ASTN2: variants seen among roughly 807,000 people sequenced by gnomAD.
The protein encoded by ASTN2 is astrotactin-2.
ASTN2 carries 54 observed loss-of-function variants against 139.8 expected under a neutral mutation model. The observed-to-expected ratio is 0.39, with a 90% confidence interval of 0.31 to 0.48. The LOEUF (loss-of-function observed/expected upper bound fraction) is 0.48. Ranked by LOEUF, ASTN2 falls within the 20% of genes least tolerant of loss-of-function variation. ASTN2 has a pLI of 0.95. For missense variants in ASTN2, 1,565 were observed against 1,725.1 expected (o/e 0.91, Z 1.64); for synonymous variants, 756 against 719.5 (o/e 1.05, Z -0.81).
chr9:117,117,169 C>T (rs551815065), intron 4 of ASTN2, among the ~76,000 whole-genome samples: 1 of 152,034 alleles, frequency 6.6e-6, no homozygotes, highest in Non-Finnish European at 1.5e-5. Context: ...TGGGGTACCT[C>T]AGTTTCCCCT....
At chr9:116,596,911 G>C (rs1052588732) in intron 19 of ASTN2, among the ~76,000 whole-genome samples, 2 of 152,114 alleles carry the variant, frequency 1.3e-5, no homozygotes, top group African/African-American at 4.8e-5. Flanking sequence ...GAGGGAGGTA[G>C]ATGTGAAGTA....
At chr9:117,386,303 G>A (rs1333512519) in intron 1 of ASTN2, among the ~76,000 whole-genome samples, 1 of 152,154 alleles carries the variant, frequency 6.6e-6, no homozygotes, top group African/African-American at 2.4e-5. Flanking sequence ...GAGAGAACTG[G>A]AAATGCACCG....
At chr9:116,813,189 A>G (rs1831214236) in intron 12 of ASTN2, among the ~76,000 whole-genome samples, 1 of 152,236 alleles carries the variant, frequency 6.6e-6, no homozygotes, top group Non-Finnish European at 1.5e-5. Flanking sequence ...AAAATATAAA[A>G]TAAGTGCAGA....
chr9:117,204,278 G>C (rs1300854968), intron 3 of ASTN2, among the ~76,000 whole-genome samples: 8 of 152,160 alleles, frequency 5.3e-5, no homozygotes. Flanking sequence ...AGGCTGGTCT[G>C]GAACTCCTGG....
chr9:117,154,574 A>G (rs1830393033), intron 3 of ASTN2, among the ~76,000 whole-genome samples: 2 of 152,146 alleles, frequency 1.3e-5, no homozygotes, highest in Admixed American at 6.5e-5. Flanking sequence ...CTAGGTCATT[A>G]TAAAAGTTTG....
intron 19 of ASTN2, among the ~76,000 whole-genome samples, chr9:116,560,803 T>C (rs1384043936): frequency 6.6e-6 from 1 of 152,150 alleles, no homozygotes; most frequent in Non-Finnish European, 1.5e-5. Context: ...TTATGTTAGG[T>C]GCACAGAATT....
intron 1 of ASTN2, among the ~76,000 whole-genome samples, chr9:117,401,268 A>AG (rs1830819748): frequency 6.6e-6 from 1 of 152,148 alleles, no homozygotes; most frequent in South Asian, 2.1e-4. Flanking sequence ...TGAGGGAGCA[A>AG]AATGATGAAC....
At chr9:117,350,952 G>T (rs1169695787) in intron 1 of ASTN2, among the ~76,000 whole-genome samples, 1 of 152,176 alleles carries the variant, frequency 6.6e-6, no homozygotes, top group Non-Finnish European at 1.5e-5. Context: ...GCTTTGGCAC[G>T]ACCGCCATGT....
intron 11 of ASTN2, among the ~76,000 whole-genome samples, chr9:116,854,322 G>A (rs974526748): frequency 3.9e-5 from 6 of 152,172 alleles, no homozygotes; most frequent in East Asian, 1.9e-4. Context: ...AGCCCATTGC[G>A]TATGCATTCT....
At chr9:116,661,870 C>T (rs1484479096) in intron 16 of ASTN2, among the ~76,000 whole-genome samples, 5 of 150,914 alleles carry the variant, frequency 3.3e-5, no homozygotes, top group Non-Finnish European at 5.9e-5. Flanking sequence ...TTGTGGGGTG[C>T]GGGGAGGGGA....
intron 11 of ASTN2, among the ~76,000 whole-genome samples, chr9:116,849,171 G>A (rs1341544272): frequency 2.6e-5 from 4 of 152,190 alleles, no homozygotes; most frequent in South Asian, 4.1e-4. Context: ...GAACCCCCAT[G>A]TGTTCTACTC....
intron 19 of ASTN2, among the ~76,000 whole-genome samples, chr9:116,533,378 C>T (rs886775835): frequency 1.4e-4 from 21 of 152,162 alleles, no homozygotes; most frequent in African/African-American, 4.6e-4. Flanking sequence ...ATTGCCCTGG[C>T]CAGAACTCCC....
intron 16 of ASTN2, among the ~76,000 whole-genome samples, chr9:116,662,418 CAA>C (rs139295351): frequency 0.041 from 6,202 of 152,002 alleles, 415 homozygotes; most frequent in African/African-American, 0.14. Context: ...ACTAAAAATA[CAA>C]AAGTTAGCTG....
intron 11 of ASTN2, among the ~76,000 whole-genome samples, chr9:116,860,921 T>G (rs1465088541): frequency 1.3e-5 from 2 of 152,172 alleles, no homozygotes. Flanking sequence ...AGTTTCTCTT[T>G]ACAGACATGA....
At chr9:117,073,023 G>A (rs1828177384) in intron 5 of ASTN2, among the ~76,000 whole-genome samples, 1 of 151,846 alleles carries the variant, frequency 6.6e-6, no homozygotes, top group Non-Finnish European at 1.5e-5. Context: ...GAGGGATGGA[G>A]AACAAAAAGA....
intron 11 of ASTN2, among the ~76,000 whole-genome samples, chr9:116,847,057 A>C (rs528812586): frequency 4.0e-5 from 6 of 151,014 alleles, no homozygotes; most frequent in East Asian, 3.9e-4. Context: ...ACAAAAAAAA[A>C]CATATATTCT....
chr9:116,651,008 C>G (rs1006633214), intron 17 of ASTN2, among the ~76,000 whole-genome samples: 1 of 151,780 alleles, frequency 6.6e-6, no homozygotes, highest in Non-Finnish European at 1.5e-5. Context: ...CTCCACCTCC[C>G]AGGTTCAAGC....
At chr9:117,015,365 C>T (rs987671101) in intron 6 of ASTN2, among the ~76,000 whole-genome samples, 2 of 152,162 alleles carry the variant, frequency 1.3e-5, no homozygotes, top group Non-Finnish European at 2.9e-5. Context: ...GCCATTTGCT[C>T]CACTTAGTAA....
intron 2 of ASTN2, among the ~76,000 whole-genome samples, chr9:117,224,201 A>G (rs79891352): frequency 0.019 from 2,946 of 152,326 alleles, 67 homozygotes; most frequent in South Asian, 0.1. Context: ...CATGACTCAA[A>G]TCTATGTCTG....
Sources: gnomAD v4.1 joint callset for allele counts (sites outside exome capture counted in the v4.1 genomes callset) on GRCh38, gnomAD v4.1.1 for gene constraint, MANE v1.5 for transcripts, NCBI Gene and HGNC (gene_info 2026-07-23, HGNC 2026-07-21) for gene names.